Variants in SSBP2 observed in about 807,000 individuals in gnomAD.
SSBP2 encodes the protein single-stranded DNA-binding protein 2.
SSBP2 carries 17 observed loss-of-function variants against 61.8 expected under a neutral mutation model. That is an observed-to-expected ratio of 0.28 (90% confidence interval 0.19 to 0.41). The LOEUF (loss-of-function observed/expected upper bound fraction) is 0.41, where lower values mean the gene tolerates loss of function less well. Among genes scored for constraint, SSBP2 ranks in the 10% least tolerant of loss-of-function variants. The pLI is 1.00. For missense variants in SSBP2, 310 were observed against 458.7 expected, an observed-to-expected ratio of 0.68 and a Z score of 2.96; for synonymous variants, 139 against 141.3, an observed-to-expected ratio of 0.98 and a Z score of 0.12.
At chr5:81,638,384 T>C (rs917907457) in intron 2 of SSBP2, among the ~76,000 whole-genome samples, 1 of 151,438 alleles carries the variant, frequency 6.6e-6, no homozygotes, top group Non-Finnish European at 1.5e-5. Context: ...AAAAGAGTAA[T>C]TGACAGGCCG....
chr5:81,656,832 G>C (rs549380639), intron 1 of SSBP2, among the ~76,000 whole-genome samples: 1 of 151,938 alleles, frequency 6.6e-6, no homozygotes, highest in South Asian at 2.1e-4. Flanking sequence ...TGCCTATAAG[G>C]GTGAAATGTG....
chr5:81,721,723 G>A (rs888862383), intron 1 of SSBP2, among the ~76,000 whole-genome samples: 2 of 152,012 alleles, frequency 1.3e-5, no homozygotes, highest in Admixed American at 1.3e-4. Flanking sequence ...TAAAACAACA[G>A]AACTCTCTAA....
chr5:81,740,908 CCTTAA>C (rs1433093326), intron 1 of SSBP2, among the ~76,000 whole-genome samples: 3 of 152,160 alleles, frequency 2.0e-5, no homozygotes, highest in Non-Finnish European at 4.4e-5. Flanking sequence ...TCTACTCTTC[CCTTAA>C]CTTCTTAACC....
At chr5:81,545,361 G>C (rs949829260) in intron 4 of SSBP2, among the ~76,000 whole-genome samples, 2 of 151,972 alleles carry the variant, frequency 1.3e-5, no homozygotes, top group Non-Finnish European at 2.9e-5. Context: ...TGAAATTTGG[G>C]ATTTTTTTAC....
intron 4 of SSBP2, among the ~76,000 whole-genome samples, chr5:81,547,716 T>TC (rs1422507910): frequency 6.6e-6 from 1 of 152,144 alleles, no homozygotes; most frequent in Non-Finnish European, 1.5e-5. Flanking sequence ...CAAGTGATCC[T>TC]CCTGCCTTGG....
intron 1 of SSBP2, among the ~76,000 whole-genome samples, chr5:81,697,584 AAATAT>A (rs1753686054): frequency 6.6e-6 from 1 of 152,232 alleles, no homozygotes; most frequent in African/African-American, 2.4e-5. Context: ...ATAAAAAGGC[AAATAT>A]AATAGTTAAC....
intron 1 of SSBP2, among the ~76,000 whole-genome samples, chr5:81,740,710 T>C (rs1756957560): frequency 6.6e-6 from 1 of 152,232 alleles, no homozygotes; most frequent in South Asian, 2.1e-4. Flanking sequence ...ACTCTGCCTC[T>C]GGTTACAGAA....
At chr5:81,613,079 C>G (rs1043688562) in intron 4 of SSBP2, among the ~76,000 whole-genome samples, 1 of 152,140 alleles carries the variant, frequency 6.6e-6, no homozygotes, top group East Asian at 1.9e-4. Flanking sequence ...CAAACTCTAT[C>G]TTTTCACCAG....
At chr5:81,588,155 G>C (rs905750341) in intron 4 of SSBP2, among the ~76,000 whole-genome samples, 4 of 151,740 alleles carry the variant, frequency 2.6e-5, no homozygotes, top group Admixed American at 6.6e-5. Context: ...TTGTAGAGAT[G>C]AGGTCTCACT....
intron 4 of SSBP2, among the ~76,000 whole-genome samples, chr5:81,573,088 G>T (rs1426465565): frequency 6.6e-6 from 1 of 151,916 alleles, no homozygotes; most frequent in Non-Finnish European, 1.5e-5. Flanking sequence ...TTATATCATG[G>T]ATACTTAAAT....
chr5:81,589,791 G>T (rs1775351886), intron 4 of SSBP2, among the ~76,000 whole-genome samples: 1 of 152,018 alleles, frequency 6.6e-6, no homozygotes, highest in Admixed American at 6.6e-5. Flanking sequence ...AAATTGAGAG[G>T]CTATATCTGG....
At chr5:81,560,029 A>G (rs1338314642) in intron 4 of SSBP2, among the ~76,000 whole-genome samples, 1 of 152,204 alleles carries the variant, frequency 6.6e-6, no homozygotes, top group Non-Finnish European at 1.5e-5. Flanking sequence ...CTCACAATCA[A>G]AAACTGAAAA....
In SSBP2 at chr5:81,461,094, AC is replaced by A; in HGVS notation, c.647del (p.Gly216ValfsTer26). ...TTGGGTTTGGCCAAGGTCTACCACC[AC>A]CTGGACCCCTACAAAACAATTTGAT... On this transcript the variant is annotated frameshift_variant, in exon 10 of 17. Coordinates refer to ENST00000320672, the MANE Select transcript of SSBP2 (RefSeq NM_012446.5). LOFTEE classifies it high-confidence loss of function. 1 of 1,589,316 alleles carries A rather than the reference AC, an allele frequency of 6.3e-7. No individual in the cohort carries two copies. The highest frequency in any genetic ancestry group is 1.2e-5 in the South Asian group (1 of 85,918).
chr5:81,433,826 A>G (rs1424879579), intron 15 of SSBP2, among the ~76,000 whole-genome samples: 2 of 152,236 alleles, frequency 1.3e-5, no homozygotes, highest in Non-Finnish European at 2.9e-5. Context: ...TGAGCAAGAA[A>G]TAATTTTGAA....
intron 4 of SSBP2, among the ~76,000 whole-genome samples, chr5:81,607,592 TCCCTAC>T (rs1745005886): frequency 6.6e-6 from 1 of 152,140 alleles, no homozygotes; most frequent in Admixed American, 6.5e-5. Context: ...TTGAGAGATT[TCCCTAC>T]CTATTAATCT....
In SSBP2 at chr5:81,417,535, A is replaced by T. The variant is rs1353566108; in HGVS notation, c.*2969T>A. The stretch of plus-strand genomic sequence containing the variant: ...CTGTGAGATGACGTGTAAAAATAAC[A>T]CTAGGAACAGGTAGTATACATCAAG... On this transcript the variant is annotated 3_prime_UTR_variant, in exon 17 of 17. Transcript: ENST00000320672. 1 of 152,358 alleles carries T rather than the reference A, an allele frequency of 6.6e-6. No homozygotes were observed. Among genetic ancestry groups the T allele is most frequent in the Middle Eastern group, 3.4e-3 (1 of 294 alleles). The allele number at this position is 152,358 out of a possible 1,614,324, so 9.4% of individuals were successfully genotyped here. A position where few individuals can be genotyped will look rare whatever the true frequency, so the allele number is the denominator to read the frequency against.
At chr5:81,583,954 T>C (rs528383875) in intron 4 of SSBP2, among the ~76,000 whole-genome samples, 2 of 152,358 alleles carry the variant, frequency 1.3e-5, no homozygotes, top group East Asian at 1.9e-4. Context: ...ATTGAATTTT[T>C]AAAATACAAT....
In SSBP2 at chr5:81,420,298, T is replaced by C; in HGVS notation, c.*206A>G. 2 of 595,506 alleles carry C rather than the reference T, an allele frequency of 3.4e-6. No homozygotes were observed. The highest frequency in any genetic ancestry group is 6.0e-6 in the Non-Finnish European group (2 of 332,502). The allele number at this position is 595,506 out of a possible 1,614,324, so 36.9% of individuals were successfully genotyped here. On this transcript the variant is annotated 3_prime_UTR_variant, in exon 17 of 17. Coordinates refer to ENST00000320672, the MANE Select transcript of SSBP2 (RefSeq NM_012446.5). The stretch of plus-strand genomic sequence containing the variant: ...TTTGCAGTTCAGTTTAGGGCAATTC[T>C]AATATGCCACTCCGTACAGTTGTTT...
At chr5:81,592,346 C>T (rs1160379739) in intron 4 of SSBP2, among the ~76,000 whole-genome samples, 1 of 152,220 alleles carries the variant, frequency 6.6e-6, no homozygotes, top group African/African-American at 2.4e-5. Flanking sequence ...GGCTGGTAAG[C>T]TCAAACTGGG....
Sources: allele counts gnomAD v4.1 joint callset (sites outside exome capture counted in the v4.1 genomes callset), GRCh38; gene constraint gnomAD v4.1.1; transcripts MANE v1.5; gene names NCBI Gene and HGNC (gene_info 2026-07-23, HGNC 2026-07-21).